The following DRC8 variants were observed in gnomAD, a reference collection of about 807,000 sequenced individuals.
DRC8 encodes dynein regulatory complex subunit 8.
At chr1:244,970,309 C>G in the DRC8 span, 1 of 994,144 alleles carries the variant, frequency 1.0e-6, no homozygotes, top group Non-Finnish European at 1.5e-6. Flanking sequence ...CCCCGGGATT[C>G]AGAGCGGCCC....
chr1:245,084,068 C>CT, the DRC8 span, among the ~76,000 whole-genome samples: 1 of 114,412 alleles, frequency 8.7e-6, no homozygotes, highest in African/African-American at 3.4e-5. Flanking sequence ...TTCCGCCCCC[C>CT]CCCCGGCGCC....
the DRC8 span, among the ~76,000 whole-genome samples, chr1:245,035,128 C>G: frequency 6.6e-6 from 1 of 151,272 alleles, no homozygotes; most frequent in Non-Finnish European, 1.5e-5. Context: ...GTTATGATTG[C>G]AATACTCCCC....
the DRC8 span, among the ~76,000 whole-genome samples, chr1:245,032,460 T>G: frequency 6.6e-6 from 1 of 152,204 alleles, no homozygotes; most frequent in Non-Finnish European, 1.5e-5. Context: ...GTTTATTTTT[T>G]CTTAAAACTA....
chr1:245,037,387 T>C, the DRC8 span, among the ~76,000 whole-genome samples: 1 of 152,204 alleles, frequency 6.6e-6, no homozygotes, highest in African/African-American at 2.4e-5. Context: ...AGAAAAATCA[T>C]AGGATCATCT....
the DRC8 span, among the ~76,000 whole-genome samples, chr1:245,057,171 G>C: frequency 6.6e-6 from 1 of 152,128 alleles, no homozygotes; most frequent in Non-Finnish European, 1.5e-5. Context: ...GCATGAGTAG[G>C]TTATGTCTGT....
the DRC8 span, among the ~76,000 whole-genome samples, chr1:244,975,510 A>C: frequency 6.6e-6 from 1 of 152,210 alleles, no homozygotes; most frequent in Non-Finnish European, 1.5e-5. Flanking sequence ...ATAATGTTGT[A>C]ATGGGGACAA....
chr1:245,088,315 G>GACACACACACACACAC, the DRC8 span, among the ~76,000 whole-genome samples: 1,308 of 145,558 alleles, frequency 9.0e-3, 18 homozygotes, highest in African/African-American at 0.027. The surrounding 1 kb of genome is among the most constrained non-coding windows in gnomAD (Gnocchi z 4.6). Context: ...GTTATAACAA[G>GACACACACACACACAC]ACACACACAC....
the DRC8 span, chr1:244,970,756 T>A: frequency 2.4e-6 from 1 of 422,680 alleles, no homozygotes. Context: ...CTCTTCACCC[T>A]CTTCCCCTCC....
chr1:245,102,398 G>A, the DRC8 span, among the ~76,000 whole-genome samples: 1 of 151,986 alleles, frequency 6.6e-6, no homozygotes, highest in Non-Finnish European at 1.5e-5. Context: ...CGCCCAGGCT[G>A]GAGTGGAATT....
At chr1:245,030,388 T>C in the DRC8 span, among the ~76,000 whole-genome samples, 1 of 152,320 alleles carries the variant, frequency 6.6e-6, no homozygotes, top group East Asian at 1.9e-4. Flanking sequence ...TTATAAGTAA[T>C]CCAGAGAGGA....
chr1:245,084,070 C>CCA, the DRC8 span, among the ~76,000 whole-genome samples: 472 of 119,182 alleles, frequency 4.0e-3, 53 homozygotes, highest in African/African-American at 0.014. Flanking sequence ...CCGCCCCCCC[C>CCA]CCGGCGCCCC....
the DRC8 span, among the ~76,000 whole-genome samples, chr1:245,088,003 G>A: frequency 6.6e-6 from 1 of 152,166 alleles, no homozygotes; most frequent in African/African-American, 2.4e-5. The surrounding 1 kb of genome is among the most constrained non-coding windows in gnomAD (Gnocchi z 4.6). Flanking sequence ...ATAGTGTAAG[G>A]TAGTGGCAAT....
At chr1:245,097,813 A>G in the DRC8 span, among the ~76,000 whole-genome samples, 6 of 152,162 alleles carry the variant, frequency 3.9e-5, no homozygotes, top group African/African-American at 1.2e-4. This position sits in a 1 kb window ranked among gnomAD's most constrained non-coding sequence, Gnocchi z 5.0. Context: ...CATTCCTTGT[A>G]GAGGAACATC....
chr1:245,056,490 AC>A, the DRC8 span, among the ~76,000 whole-genome samples: 3 of 152,198 alleles, frequency 2.0e-5, no homozygotes, highest in South Asian at 6.2e-4. Flanking sequence ...TGGAATTCTC[AC>A]TTTCTCCTTA....
chr1:245,054,448 T>C, the DRC8 span, among the ~76,000 whole-genome samples: 1 of 152,148 alleles, frequency 6.6e-6, no homozygotes, highest in Non-Finnish European at 1.5e-5. Flanking sequence ...ATAGCTGATC[T>C]CCTTTTTTAC....
the DRC8 span, among the ~76,000 whole-genome samples, chr1:244,992,570 C>T: frequency 1.3e-4 from 20 of 152,164 alleles, no homozygotes; most frequent in Middle Eastern, 0.017. Flanking sequence ...GAAACCCTGT[C>T]TCTACTAAAA....
the DRC8 span, among the ~76,000 whole-genome samples, chr1:245,027,606 G>A: frequency 3.3e-5 from 5 of 152,140 alleles, no homozygotes; most frequent in African/African-American, 4.8e-5. Context: ...AATATAAAAA[G>A]TGTCAGTTGA....
chr1:244,986,341 T>C, the DRC8 span, among the ~76,000 whole-genome samples: 2 of 152,170 alleles, frequency 1.3e-5, no homozygotes, highest in Non-Finnish European at 2.9e-5. Flanking sequence ...GAACTGCGAA[T>C]TTACAAGCCT....
chr1:245,057,814 T>A, the DRC8 span, among the ~76,000 whole-genome samples: 1 of 152,204 alleles, frequency 6.6e-6, no homozygotes, highest in African/African-American at 2.4e-5. Flanking sequence ...TCTTCTCTTC[T>A]TGCTATTTTG....
Sources: gnomAD v4.1 joint callset for allele counts (sites outside exome capture counted in the v4.1 genomes callset) on GRCh38, gnomAD v4.1.1 for gene constraint, Gnocchi (gnomAD v3.1) non-coding constraint, MANE v1.5 for transcripts, NCBI Gene and HGNC (gene_info 2026-07-23, HGNC 2026-07-21) for gene names.